Variants in KIF13A observed in about 807,000 individuals in gnomAD.
The protein encoded by KIF13A is kinesin-like protein KIF13A.
In KIF13A, 79 loss-of-function variants were observed where a neutral mutation model predicts 212.2. The ratio of observed to expected loss-of-function variants is 0.37; its 90% CI spans 0.31 to 0.45. The LOEUF is 0.45. Ranked by LOEUF, KIF13A falls within the 20% of genes least tolerant of loss-of-function variation. The pLI, the probability that KIF13A is intolerant of heterozygous loss-of-function variation, is 1.00. For synonymous variants in KIF13A, 789 were observed against 808.6 expected (o/e 0.98, Z 0.41); for missense variants, 1,901 against 2,209.0 (o/e 0.86, Z 2.79).
At chr6:17,798,380 T>C (rs961972366) in intron 22 of KIF13A, among the ~76,000 whole-genome samples, 13 of 152,302 alleles carry the variant, frequency 8.5e-5, no homozygotes, top group African/African-American at 2.9e-4. Flanking sequence ...ATGGGGAATA[T>C]TTAAAATAAT....
rs1441342389 is a variant in KIF13A at position 17,888,173 on chromosome 6, CTTAGA to C, written c.159+9990_159+9994del. On this transcript the variant is annotated intron_variant, in intron 3 of 38. Transcript: ENST00000259711. This position sits in a 1 kb window ranked among gnomAD's most constrained non-coding sequence, Gnocchi z 4.8. The stretch of plus-strand genomic sequence containing the variant: ...TGTTACCATAATCTATTTTCCACTA[CTTAGA>C]TTATAGTATATCTAATCTTCCTTAT... Among the ~76,000 whole-genome samples, 2 of 152,092 alleles carry C rather than the reference CTTAGA, an allele frequency of 1.3e-5. No homozygotes were observed. The highest frequency in any genetic ancestry group is 2.9e-5 in the Non-Finnish European group (2 of 68,020).
chr6:17,939,823 C>A (rs889667694), intron 2 of KIF13A, among the ~76,000 whole-genome samples: 2 of 151,832 alleles, frequency 1.3e-5, no homozygotes, highest in Non-Finnish European at 2.9e-5. Flanking sequence ...GAGGCGGAGG[C>A]GGGTGGATGA....
chr6:17,820,774 T>G (rs10949450), intron 16 of KIF13A, among the ~76,000 whole-genome samples: 69,387 of 151,998 alleles, frequency 0.46, 16,230 homozygotes, highest in South Asian at 0.53. Context: ...TCTTCTTTAC[T>G]TAGTAGGTAA....
rs911568466 is a variant in KIF13A, at chr6:17,825,143, T to A, written c.1786+625A>T. ...CAGCAAAAAAGGAAAGAATTTGGTG[T>A]CTATTTTATTTAATGCAGGCAGGTG... On this transcript the variant is annotated intron_variant, in intron 16 of 38. Transcript: ENST00000259711. This position sits in a 1 kb window ranked among gnomAD's most constrained non-coding sequence, Gnocchi z 4.5. Among the ~76,000 whole-genome samples, 4 of 152,162 alleles carry A rather than the reference T, an allele frequency of 2.6e-5. No individual in the cohort carries two copies. Among genetic ancestry groups the A allele is most frequent in the African/African-American group, 9.7e-5 (4 of 41,416 alleles).
chr6:17,917,361 C>T (rs1774625441), intron 2 of KIF13A, among the ~76,000 whole-genome samples: 1 of 151,594 alleles, frequency 6.6e-6, no homozygotes, highest in Admixed American at 6.6e-5. Flanking sequence ...GTGCCTCAAC[C>T]TCCCGAGAAG....
Position 17,764,251 on chromosome 6 carries a change from G to A in KIF13A, c.5277C>T (p.Ser1759=). The change falls in exon 39 of 39, where the codon TCC becomes TCT. Residue 1759 remains serine (S), a synonymous_variant. Transcript: ENST00000259711. This position sits in a 1 kb window ranked among gnomAD's most constrained non-coding sequence, Gnocchi z 5.1. ...TTTTATTTGGTAGACTCCTCCTACT[G>A]GAAAGCTCTCCAGCAGAAGAATCTG... ...GLTDSSAGEL[S]SRRSLPNKTG... 1 of 1,613,964 alleles carries A rather than the reference G, an allele frequency of 6.2e-7. No individual in the cohort carries two copies. The highest frequency in any genetic ancestry group is 8.5e-7 in the Non-Finnish European group (1 of 1,179,862).
In KIF13A at chr6:17,926,223, T is replaced by C. The variant is rs1252611405; in HGVS notation, c.147-28043A>G. ...TTCCACGAATTCCTAAATTTATCTG[T>C]CTCCTGGTGCATTTCTTTATTTTTT... is the stretch of plus-strand genomic sequence containing the variant. On this transcript the variant is annotated intron_variant, in intron 2 of 38. Transcript: ENST00000259711. This position sits in a 1 kb window ranked among gnomAD's most constrained non-coding sequence, Gnocchi z 4.3. Among the ~76,000 whole-genome samples, 1 of 152,110 alleles carries C rather than the reference T, an allele frequency of 6.6e-6. No homozygotes were observed. The highest frequency in any genetic ancestry group is 1.5e-5 in the Non-Finnish European group (1 of 68,022).
rs1768048643 is a variant in KIF13A at position 17,855,378 on chromosome 6, T to C, written c.494+59A>G. 3.9e-6 allele frequency: 5 copies of C among 1,294,342 alleles called. No individual in the cohort carries two copies. The highest frequency in any genetic ancestry group is 1.5e-5 in the African/African-American group (1 of 67,170). 80.2% of individuals were successfully genotyped at this position (1,294,342 alleles called of 1,614,324 possible). ...GTATATTCACTTCCAATTTTAACTT[T>C]AGAATCATTTAAAATTATCTCCCCC... On this transcript the variant is annotated intron_variant, in intron 6 of 38. Transcript: ENST00000259711. The surrounding 1 kb of genome is among the most constrained non-coding windows in gnomAD (Gnocchi z 4.1).
rs1764908470 is a variant in KIF13A at position 17,825,715 on chromosome 6, G to C, written c.1786+53C>G. On this transcript the variant is annotated intron_variant, in intron 16 of 38. Coordinates refer to ENST00000259711, the MANE Select transcript of KIF13A (RefSeq NM_022113.6). This position sits in a 1 kb window ranked among gnomAD's most constrained non-coding sequence, Gnocchi z 4.5. ...GATGCATGCTTATCCCTCACTGAAT[G>C]GTGTGAGGTGAGGAAATGCCCAAGG... is the stretch of plus-strand genomic sequence containing the variant. 1 of 1,485,028 alleles carries C rather than the reference G, an allele frequency of 6.7e-7. No individual in the cohort carries two copies. Among genetic ancestry groups the C allele is most frequent in the African/African-American group, 1.4e-5 (1 of 71,854 alleles). 92.0% of individuals were successfully genotyped at this position (1,485,028 alleles called of 1,614,324 possible). A position where few individuals can be genotyped will look rare whatever the true frequency, so the allele number is the denominator to read the frequency against.
In KIF13A at chr6:17,771,098, T is replaced by C. The variant is rs529278193; in HGVS notation, c.4581+16A>G. On this transcript the variant is annotated intron_variant, in intron 38 of 38. Transcript: ENST00000259711. The surrounding 1 kb of genome is among the most constrained non-coding windows in gnomAD (Gnocchi z 5.4). ...CCACCACCAGGCAATATGACAGAAATGGTTCCGGAACTTACAATCTTCTTC... is the reference window on the plus strand; with the variant it reads ...CCACCACCAGGCAATATGACAGAAACGGTTCCGGAACTTACAATCTTCTTC... 4 of 1,560,006 alleles carry C rather than the reference T, an allele frequency of 2.6e-6. No individual in the cohort carries two copies. In the South Asian group the frequency reaches 4.5e-5, roughly 18 times the overall value.
chr6:17,930,888 T>C (rs1425766528), intron 2 of KIF13A, among the ~76,000 whole-genome samples: 1 of 152,242 alleles, frequency 6.6e-6, no homozygotes, highest in African/African-American at 2.4e-5. Context: ...GGAACTTGCC[T>C]AGAATTTGGT....
Position 17,839,590 on chromosome 6 carries a change from C to T in KIF13A, c.831-2007G>A, listed in dbSNP as rs1357502119. On this transcript the variant is annotated intron_variant, in intron 9 of 38. Transcript: ENST00000259711. This position sits in a 1 kb window ranked among gnomAD's most constrained non-coding sequence, Gnocchi z 4.3. The stretch of plus-strand genomic sequence containing the variant: ...TCCTGGGTTGAACAGTATTCATGTC[C>T]GCCAGACCCTCAGAATGTGACCCTA... Among the ~76,000 whole-genome samples the T allele has an allele frequency of 6.6e-6, 1 of 152,100 alleles. No individual in the cohort carries two copies. Among genetic ancestry groups the T allele is most frequent in the South Asian group, 2.1e-4 (1 of 4,826 alleles).
rs1759192756 is a variant in KIF13A at position 17,768,256 on chromosome 6, C to A, written c.4581+2858G>T. Among the ~76,000 whole-genome samples, 1 of 152,168 alleles carries A rather than the reference C, an allele frequency of 6.6e-6. No homozygotes were observed. The highest frequency in any genetic ancestry group is 2.1e-4 in the South Asian group (1 of 4,826). ...GTCTTAAGGAAAAAGATAATTAAAA[C>A]CCTATCTGAAGTGGCACATGGAGTC... is the stretch of plus-strand genomic sequence containing the variant. On this transcript the variant is annotated intron_variant, in intron 38 of 38. Transcript: ENST00000259711. This position sits in a 1 kb window ranked among gnomAD's most constrained non-coding sequence, Gnocchi z 5.4.
In KIF13A at chr6:17,897,581, G is replaced by T. The variant is rs1360004250; in HGVS notation, c.159+587C>A. ...TGCCATCAAAGGTTGGCCAGAGCAG[G>T]TGGGGAAAAAACTAACTAGTGGCCA... On this transcript the variant is annotated intron_variant, in intron 3 of 38. Transcript: ENST00000259711. The surrounding 1 kb of genome is among the most constrained non-coding windows in gnomAD (Gnocchi z 4.8). 2.0e-5 allele frequency among the ~76,000 whole-genome samples: 3 copies of T among 152,176 alleles called. No homozygotes were observed. Among genetic ancestry groups the T allele is most frequent in the Non-Finnish European group, 4.4e-5 (3 of 68,034 alleles).
chr6:17,970,297 G>C (rs957467046), intron 2 of KIF13A, among the ~76,000 whole-genome samples: 6 of 151,664 alleles, frequency 4.0e-5, no homozygotes, highest in African/African-American at 1.5e-4. Flanking sequence ...TTAAGTTTTT[G>C]TGTATAGAAA....
chr6:17,876,919 G>A (rs1289108423), intron 3 of KIF13A, among the ~76,000 whole-genome samples: 1 of 152,190 alleles, frequency 6.6e-6, no homozygotes, highest in Non-Finnish European at 1.5e-5. Context: ...ACAGGCATGA[G>A]CCACTGTGCC....
In KIF13A at chr6:17,788,624, A is replaced by G. The variant is rs1174756558; in HGVS notation, c.3262-749T>C. Among the ~76,000 whole-genome samples the G allele has an allele frequency of 1.3e-5, 2 of 152,052 alleles. 1 individual carries two copies. Among genetic ancestry groups the G allele is most frequent in the Non-Finnish European group, 2.9e-5 (2 of 67,996 alleles). ...TAGGGAAAGAAAATCCATCAATTCTATTAAAAATGCTCTTTGACTTGCCTA... is the reference window on the plus strand; with the variant it reads ...TAGGGAAAGAAAATCCATCAATTCTGTTAAAAATGCTCTTTGACTTGCCTA... On this transcript the variant is annotated intron_variant, in intron 26 of 38. Coordinates refer to ENST00000259711, the MANE Select transcript of KIF13A (RefSeq NM_022113.6).
At chr6:17,939,778 C>G (rs922348408) in intron 2 of KIF13A, among the ~76,000 whole-genome samples, 9 of 152,048 alleles carry the variant, frequency 5.9e-5, no homozygotes, top group Non-Finnish European at 1.3e-4. Context: ...CCTGGCCGGG[C>G]GTAGTGGCTC....
chr6:17,818,864 G>T (rs906118942), intron 16 of KIF13A, among the ~76,000 whole-genome samples: 1 of 152,072 alleles, frequency 6.6e-6, no homozygotes, highest in African/African-American at 2.4e-5. Context: ...CTTACAATTA[G>T]TATTCTGTGA....
Sources: gnomAD v4.1 joint callset for allele counts (sites outside exome capture counted in the v4.1 genomes callset) on GRCh38, gnomAD v4.1.1 for gene constraint, Gnocchi (gnomAD v3.1) non-coding constraint, MANE v1.5 for transcripts, NCBI Gene and HGNC (gene_info 2026-07-23, HGNC 2026-07-21) for gene names.